The following TXNRD3 variants were observed in gnomAD, a reference collection of about 807,000 sequenced individuals.
TXNRD3 encodes thioredoxin reductase 3.
TXNRD3 carries 68 observed loss-of-function variants against 78.2 expected under a neutral mutation model. That is an observed-to-expected ratio of 0.87 (90% confidence interval 0.72 to 1.06). TXNRD3 has a LOEUF of 1.06. TXNRD3 is among the 50% of genes least tolerant of loss of function. The probability of loss-of-function intolerance (pLI) is 0.00; values close to 1 mark genes in which losing one functional copy is unlikely to be tolerated. For missense variants in TXNRD3, 751 were observed against 809.5 expected (o/e 0.93, Z 0.88); for synonymous variants, 296 against 300.1 (o/e 0.99, Z 0.14).
intron 6 of TXNRD3, among the ~76,000 whole-genome samples, chr3:126,634,312 T>C (rs1216845476): frequency 6.6e-6 from 1 of 152,124 alleles, no homozygotes; most frequent in Non-Finnish European, 1.5e-5. Flanking sequence ...CTGGCCCTCA[T>C]ATGGCAACGC....
intron 13 of TXNRD3, 34 bp from the exon 14 acceptor site, chr3:126,611,166 A>G (rs892087114): frequency 3.0e-6 from 4 of 1,343,564 alleles, no homozygotes; most frequent in Non-Finnish European, 4.0e-6. Flanking sequence ...GGGCAGAATT[A>G]ATGTATATGG....
At chr3:126,620,729 T>C (rs1426125742) in intron 12 of TXNRD3, among the ~76,000 whole-genome samples, 2 of 152,308 alleles carry the variant, frequency 1.3e-5, no homozygotes, top group East Asian at 3.9e-4. Context: ...GCCCTACCAA[T>C]TCTTCTTTGT....
intron 6 of TXNRD3, among the ~76,000 whole-genome samples, chr3:126,639,729 C>T (rs1288358183): frequency 6.6e-6 from 1 of 152,034 alleles, no homozygotes. Flanking sequence ...TGCCACCATG[C>T]CTGCCTAATT....
At chr3:126,618,498 G>A (rs1278233480) in intron 12 of TXNRD3, among the ~76,000 whole-genome samples, 3 of 152,044 alleles carry the variant, frequency 2.0e-5, no homozygotes, top group Non-Finnish European at 4.4e-5. Context: ...GAATGGTAGT[G>A]GGAAAACAGT....
rs1933216420 is a variant in TXNRD3, at chr3:126,645,858, C to A, written c.414+253G>T. ...ATCTCTCCCTACAAGGAGGAAAAGA[C>A]CTGGGATGTCTCCAGGGTGGCCCAC... On this transcript the variant is annotated intron_variant, in intron 3 of 15. Coordinates refer to ENST00000524230, the MANE Select transcript of TXNRD3 (RefSeq NM_052883.3). Among the ~76,000 whole-genome samples the A allele has an allele frequency of 2.6e-5, 4 of 152,286 alleles. No homozygotes were observed. The South Asian group carries it at 6.2e-4, about 24-fold the overall frequency.
At chr3:126,653,234 G>A (rs952317735) in intron 1 of TXNRD3, among the ~76,000 whole-genome samples, 1 of 152,160 alleles carries the variant, frequency 6.6e-6, no homozygotes, top group African/African-American at 2.4e-5. Context: ...CAATAAAACT[G>A]GTTTTGTTAC....
intron 7 of TXNRD3, 61 bp from the exon 8 acceptor site, chr3:126,631,940 C>A (rs1938725079): frequency 9.1e-7 from 1 of 1,102,644 alleles, no homozygotes; most frequent in South Asian, 1.4e-5. Context: ...ACACCCTGGA[C>A]AAAATAGTTA....
intron 9 of TXNRD3, 24 bp from the exon 10 acceptor site, chr3:126,629,495 G>A: frequency 6.7e-7 from 1 of 1,487,910 alleles, no homozygotes; most frequent in Non-Finnish European, 9.1e-7. Context: ...AGAGTGTAAT[G>A]ATGTTATCTA....
intron 6 of TXNRD3, among the ~76,000 whole-genome samples, chr3:126,637,896 T>C (rs997141377): frequency 6.7e-6 from 1 of 149,670 alleles, no homozygotes; most frequent in Admixed American, 6.7e-5. Flanking sequence ...AAATTATCTA[T>C]ACATTATAAA....
At chr3:126,653,103 C>T (rs571569149) in intron 1 of TXNRD3, among the ~76,000 whole-genome samples, 17 of 152,140 alleles carry the variant, frequency 1.1e-4, no homozygotes, top group Non-Finnish European at 2.4e-4. Context: ...GTATAGCTCA[C>T]GTTTATTTCA....
Position 126,626,461 on chromosome 3 carries a change from A to T in TXNRD3, c.1290+2918T>A, listed in dbSNP as rs566333698. On this transcript the variant is annotated intron_variant, in intron 10 of 15. Transcript: ENST00000524230. ...CTGCAATTCAATAAAAATTCAAACG[A>T]TCCAATAAAAAAGGGCTGAAGACTT... Among the ~76,000 whole-genome samples, 3 of 152,328 alleles carry T rather than the reference A, an allele frequency of 2.0e-5. No homozygotes were observed. In the East Asian group the frequency reaches 5.8e-4, roughly 29 times the overall value.
chr3:126,640,399 G>A lies in TXNRD3; in HGVS notation c.712+1633C>T, dbSNP rs202012560. The stretch of plus-strand genomic sequence containing the variant: ...TGGGATTACAGGCGTGAGCCACCGC[G>A]CCCGGCCGCTGCTTGTGTTTTCTAT... On this transcript the variant is annotated intron_variant, in intron 6 of 15. Transcript: ENST00000524230. Among the ~76,000 whole-genome samples the A allele has an allele frequency of 2.0e-3, 16 of 8,146 alleles. 7 individuals are homozygous for A. In the East Asian group the frequency reaches 0.029, roughly 15 times the overall value. The allele number at this position is 8,146 out of a possible 152,430, so 5.3% of individuals were successfully genotyped here. A position where few individuals can be genotyped will look rare whatever the true frequency, so the allele number is the denominator to read the frequency against.
Position 126,635,837 on chromosome 3 carries a change from A to G in TXNRD3, c.713-1786T>C, listed in dbSNP as rs183359137. On this transcript the variant is annotated intron_variant, in intron 6 of 15. Transcript: ENST00000524230. The stretch of plus-strand genomic sequence containing the variant: ...ATTATACATGTGAGTATGTGTATAT[A>G]TTTATATTACACACATCACACATAC... Among the ~76,000 whole-genome samples, 12 of 152,244 alleles carry G rather than the reference A, an allele frequency of 7.9e-5. No homozygotes were observed. The East Asian group carries it at 1.5e-3, about 20-fold the overall frequency.
intron 7 of TXNRD3, among the ~76,000 whole-genome samples, 191 bp downstream of exon 7, chr3:126,633,718 T>A (rs1366454763): frequency 6.6e-6 from 1 of 152,208 alleles, no homozygotes; most frequent in East Asian, 1.9e-4. Context: ...AAACACAATT[T>A]CTTCAAGTTA....
chr3:126,648,341 A>G (rs977012750), intron 1 of TXNRD3, among the ~76,000 whole-genome samples: 2 of 150,700 alleles, frequency 1.3e-5, no homozygotes, highest in Admixed American at 1.3e-4. Context: ...CAAAATCCCA[A>G]TGATCTTTTT....
intron 6 of TXNRD3, among the ~76,000 whole-genome samples, chr3:126,639,983 T>C (rs994275713): frequency 6.6e-6 from 1 of 152,132 alleles, no homozygotes; most frequent in African/African-American, 2.4e-5. Context: ...CAGCTGATCC[T>C]AGCTTGACCT....
At position 126,643,976 on chromosome 3, in the gene TXNRD3, C is replaced by G. The variant is rs560090442; in HGVS notation, c.592+5G>C. The G allele has an allele frequency of 2.0e-6, 3 of 1,534,428 alleles. No homozygotes were observed. The East Asian group carries it at 7.3e-5, about 38-fold the overall frequency. On this transcript the variant is annotated splice_donor_5th_base_variant and intron_variant, in intron 5 of 15. Transcript: ENST00000524230. The stretch of plus-strand genomic sequence containing the variant: ...AGAGAGGAACAACAGAGAAAAACAA[C>G]TTACCCCAGGATGTGCCCTGAGGTG...
At position 126,607,864 on chromosome 3, in the gene TXNRD3, A is replaced by G; in HGVS notation, c.*41T>C. On this transcript the variant is annotated 3_prime_UTR_variant, in exon 16 of 16. Coordinates refer to ENST00000524230, the MANE Select transcript of TXNRD3 (RefSeq NM_052883.3). ...ATCCGAGAGCATTCTTATCTTTGAG[A>G]GAAATGAGAATATGACAAGGAGAAC... is the stretch of plus-strand genomic sequence containing the variant. The G allele has an allele frequency of 6.9e-7, 1 of 1,449,308 alleles. No individual in the cohort carries two copies. Among genetic ancestry groups the G allele is most frequent in the Non-Finnish European group, 9.2e-7 (1 of 1,081,144 alleles). 89.8% of individuals were successfully genotyped at this position (1,449,308 alleles called of 1,614,324 possible).
At chr3:126,638,866 T>C (rs1932986310) in intron 6 of TXNRD3, among the ~76,000 whole-genome samples, 1 of 152,238 alleles carries the variant, frequency 6.6e-6, no homozygotes, top group Admixed American at 6.5e-5. Context: ...ATTAACGTCA[T>C]TTGACCCCAT....
Sources: gnomAD v4.1 joint callset for allele counts (sites outside exome capture counted in the v4.1 genomes callset) on GRCh38, gnomAD v4.1.1 for gene constraint, MANE v1.5 for transcripts, NCBI Gene and HGNC (gene_info 2026-07-23, HGNC 2026-07-21) for gene names.